The following TAAR5 variants were observed in gnomAD, a reference collection of about 807,000 sequenced individuals.
The protein encoded by TAAR5 is trace amine-associated receptor 5.
In TAAR5, 27 loss-of-function variants were observed where a neutral mutation model predicts 21.1. That is an observed-to-expected ratio of 1.28 (90% confidence interval 0.94 to 1.76). The LOEUF is 1.76. Among genes scored for constraint, TAAR5 ranks in the 40% most tolerant of loss-of-function variants. The pLI is 0.00. For synonymous variants in TAAR5, 203 were observed against 167.5 expected (o/e 1.21, Z -1.64); for missense variants, 495 against 405.6 (o/e 1.22, Z -1.89).
At position 132,589,543 on chromosome 6, in the gene TAAR5, G is replaced by A. The variant is rs117859520; in HGVS notation, c.144C>T (p.Ile48=). The part of the protein sequence containing the change: ...YLACAAGMLI[I]VLGNVFVAFA... The stretch of plus-strand genomic sequence containing the variant: ...ATGCCACAAATACATTCCCTAGCAC[G>A]ATAATCAGCATGCCTGCTGCACAGG... The change falls in exon 1 of 1, where the codon ATC becomes ATT. Residue 48 remains isoleucine, a synonymous_variant. Transcript: ENST00000258034. 1.1e-5 allele frequency: 18 copies of A among 1,613,798 alleles called. No homozygotes were observed. The highest frequency in any genetic ancestry group is 1.4e-5 in the Non-Finnish European group (16 of 1,179,958).
At chr6:132,615,078 G>A in the TAAR5 span, among the ~76,000 whole-genome samples, 3 of 152,086 alleles carry the variant, frequency 2.0e-5, no homozygotes, top group Non-Finnish European at 2.9e-5. Context: ...TGGCCAGGAC[G>A]GTCTCCATCT....
the TAAR5 span, among the ~76,000 whole-genome samples, chr6:132,610,426 A>C: frequency 6.6e-6 from 1 of 152,182 alleles, no homozygotes; most frequent in Non-Finnish European, 1.5e-5. Context: ...AAGTTCATCT[A>C]TTTAGGCAGA....
the TAAR5 span, among the ~76,000 whole-genome samples, chr6:132,598,462 T>C: frequency 3.3e-5 from 5 of 152,354 alleles, no homozygotes; most frequent in African/African-American, 1.2e-4. Context: ...GTGAAATTAA[T>C]ATAATTGAAA....
At chr6:132,602,234 A>G in the TAAR5 span, among the ~76,000 whole-genome samples, 1 of 152,300 alleles carries the variant, frequency 6.6e-6, no homozygotes, top group East Asian at 1.9e-4. Flanking sequence ...ACTCAAGCAC[A>G]TTATATTTAT....
At chr6:132,605,466 C>G in the TAAR5 span, among the ~76,000 whole-genome samples, 18 of 152,328 alleles carry the variant, frequency 1.2e-4, no homozygotes, top group African/African-American at 2.6e-4. Flanking sequence ...GCACGCCTAT[C>G]TAGGTAGATG....
chr6:132,611,275 C>T, the TAAR5 span, among the ~76,000 whole-genome samples: 2 of 148,338 alleles, frequency 1.3e-5, no homozygotes, highest in African/African-American at 5.0e-5. Context: ...TTATCAGAGG[C>T]TGGAAAGGAT....
the TAAR5 span, among the ~76,000 whole-genome samples, chr6:132,612,525 T>A: frequency 6.6e-6 from 1 of 152,060 alleles, no homozygotes; most frequent in South Asian, 2.1e-4. Context: ...GTAGATATAA[T>A]TTACTGATCC....
the TAAR5 span, among the ~76,000 whole-genome samples, chr6:132,614,895 C>T: frequency 3.3e-5 from 5 of 152,236 alleles, no homozygotes; most frequent in East Asian, 3.9e-4. Context: ...GACAGAGTCT[C>T]ACTCTGTCGC....
the TAAR5 span, among the ~76,000 whole-genome samples, chr6:132,610,322 C>T: frequency 6.6e-6 from 1 of 152,104 alleles, no homozygotes; most frequent in Non-Finnish European, 1.5e-5. Context: ...GAAAAGCAGG[C>T]CCAATCTTGA....
chr6:132,596,073 T>A, the TAAR5 span, among the ~76,000 whole-genome samples: 1 of 152,176 alleles, frequency 6.6e-6, no homozygotes, highest in Non-Finnish European at 1.5e-5. Flanking sequence ...ATCACAAAGT[T>A]ATAGGTGAAT....
the TAAR5 span, chr6:132,594,880 T>C: frequency 6.6e-6 from 1 of 152,128 alleles, no homozygotes; most frequent in African/African-American, 2.4e-5. Flanking sequence ...ACCTGTGCAA[T>C]CAATGGCTGC....
chr6:132,588,901 G>A lies in TAAR5; in HGVS notation c.786C>T (p.Leu262=). 3 of 1,614,150 alleles carry A rather than the reference G, an allele frequency of 1.9e-6. No homozygotes were observed. The highest frequency in any genetic ancestry group is 2.5e-6 in the Non-Finnish European group (3 of 1,180,012). ...KTLGIAVGIY[L]LCWLPFTIDT... is the part of the protein sequence containing the mutation. ...CTATGGTGAAGGGCAGCCAGCACAA[G>A]AGGTATATGCCCACAGCAATGCCCA... is the stretch of plus-strand genomic sequence containing the variant. Residue 262 remains leucine, a synonymous_variant, in exon 1 of 1, where the codon CTC becomes CTT. Coordinates refer to ENST00000258034, the MANE Select transcript of TAAR5 (RefSeq NM_003967.3).
chr6:132,599,323 C>CTTTGTTTTTTTTTTTTTTTTTTTT, the TAAR5 span, among the ~76,000 whole-genome samples: 1 of 98,492 alleles, frequency 1.0e-5, no homozygotes, highest in Non-Finnish European at 2.0e-5. Context: ...CTTTTCTTTT[C>CTTTGTTTTTTTTTTTTTTTTTTTT]TTTTTTTTTT....
chr6:132,609,878 A>T, the TAAR5 span, among the ~76,000 whole-genome samples: 1 of 152,152 alleles, frequency 6.6e-6, no homozygotes, highest in Admixed American at 6.6e-5. Flanking sequence ...CCATGTACCT[A>T]TGGGTTAAAA....
the TAAR5 span, among the ~76,000 whole-genome samples, chr6:132,602,445 A>G: frequency 6.6e-6 from 1 of 152,202 alleles, no homozygotes; most frequent in Non-Finnish European, 1.5e-5. Context: ...TTGCATGCGC[A>G]GCTCACAATA....
At chr6:132,603,741 A>T in the TAAR5 span, among the ~76,000 whole-genome samples, 1 of 152,192 alleles carries the variant, frequency 6.6e-6, no homozygotes, top group African/African-American at 2.4e-5. Flanking sequence ...TAATTTCAGG[A>T]ATCTTCAAAT....
the TAAR5 span, chr6:132,609,287 C>T: frequency 1.9e-3 from 515 of 276,374 alleles, 3 homozygotes; most frequent in African/African-American, 0.011. Context: ...GGTGCTTTAT[C>T]CCTTGAAATT....
rs1187252121 is a variant in TAAR5 at position 132,588,721 on chromosome 6, C to G, written c.966G>C (p.Gln322His). 3 of 1,613,862 alleles carry G rather than the reference C, an allele frequency of 1.9e-6. No homozygotes were observed. Among genetic ancestry groups the G allele is most frequent in the Admixed American group, 1.7e-5 (1 of 59,990 alleles). Residue 322 changes from glutamine to histidine, a missense_variant, in exon 1 of 1, where the codon CAG becomes CAC. Physicochemically the swap from Gln to His is conservative, Grantham distance 24. Coordinates refer to ENST00000258034, the MANE Select transcript of TAAR5 (RefSeq NM_003967.3). ...FRKALKLTLS[Q>H]KVFSPQTRTV... is the part of the protein sequence containing the mutation. ...TGCGTGTCTGCGGTGAGAAGACCTT[C>G]TGGCTCAGTGTGAGTTTCAGTGCCT...
chr6:132,616,482 A>G, the TAAR5 span, among the ~76,000 whole-genome samples: 1 of 152,202 alleles, frequency 6.6e-6, no homozygotes, highest in East Asian at 1.9e-4. Flanking sequence ...TGTATGTAAC[A>G]TGGGAACTAA....
Sources: allele counts gnomAD v4.1 joint callset (sites outside exome capture counted in the v4.1 genomes callset), GRCh38; gene constraint gnomAD v4.1.1; transcripts MANE v1.5; gene names NCBI Gene and HGNC (gene_info 2026-07-23, HGNC 2026-07-21).